The following TSHR variants were observed in gnomAD, a reference collection of about 807,000 sequenced individuals.
TSHR encodes the protein thyrotropin receptor.
A neutral mutation model predicts 64.1 loss-of-function variants in TSHR; 51 were observed. The ratio of observed to expected loss-of-function variants is 0.80; its 90% CI spans 0.64 to 1.01. The LOEUF (loss-of-function observed/expected upper bound fraction) is 1.01, where lower values mean the gene tolerates loss of function less well. TSHR is among the 50% of genes least tolerant of loss of function. The probability of loss-of-function intolerance (pLI) is 0.00; values close to 1 mark genes in which losing one functional copy is unlikely to be tolerated. For missense variants in TSHR, 877 were observed against 942.8 expected (o/e 0.93, Z 0.91); for synonymous variants, 361 against 361.9 (o/e 1.00, Z 0.03).
In TSHR at chr14:81,087,974, AC is replaced by A; in HGVS notation, c.339del (p.Leu114Ter). On this transcript the variant is annotated frameshift_variant, in exon 4 of 10. Transcript: ENST00000298171. LOFTEE classifies it high-confidence loss of function. ...TACAGAGAAATTCGGAATACCAGGA[AC>A]TTAACTTACATAGACCCTGATGCCC... The part of the protein sequence containing the change: ...VTHIEIRNTR[N>X]LTYIDPDALK... The A allele has an allele frequency of 6.2e-7, 1 of 1,613,840 alleles. No homozygotes were observed. Among genetic ancestry groups the A allele is most frequent in the Non-Finnish European group, 8.5e-7 (1 of 1,179,732 alleles).
intron 7 of TSHR, chr14:81,104,745 T>TAAC (rs1286771520): frequency 1.0e-6 from 1 of 985,288 alleles, no homozygotes; most frequent in African/African-American, 1.7e-5. Flanking sequence ...TGGTCTTCCC[T>TAAC]AACTGTGAAC....
chr14:81,048,175 C>CCA (rs1885261768), intron 1 of TSHR, among the ~76,000 whole-genome samples: 3 of 152,150 alleles, frequency 2.0e-5, no homozygotes, highest in African/African-American at 4.8e-5. Context: ...CCCAACTCAT[C>CCA]ACCCTACTTC....
chr14:81,138,115 A>G (rs1221977694), intron 8 of TSHR, among the ~76,000 whole-genome samples: 1 of 151,822 alleles, frequency 6.6e-6, no homozygotes, highest in African/African-American at 2.4e-5. Flanking sequence ...AAAGGTGTTT[A>G]TTTATGCCAG....
intron 1 of TSHR, among the ~76,000 whole-genome samples, chr14:81,039,247 T>C (rs1057268609): frequency 1.9e-4 from 29 of 151,902 alleles, no homozygotes; most frequent in African/African-American, 7.0e-4. Context: ...ATAAAATCAA[T>C]GACAAAACTG....
At chr14:81,071,688 G>A (rs1887081989) in intron 3 of TSHR, among the ~76,000 whole-genome samples, 1 of 152,128 alleles carries the variant, frequency 6.6e-6, no homozygotes, top group African/African-American at 2.4e-5. Flanking sequence ...TTAAGCCCAG[G>A]CATTCCAGGC....
chr14:81,004,342 CA>C, intron 1 of TSHR, among the ~76,000 whole-genome samples: 1 of 152,270 alleles, frequency 6.6e-6, no homozygotes, highest in South Asian at 2.1e-4. Flanking sequence ...ACTCAGTTAT[CA>C]AGACAATACT....
intron 8 of TSHR, among the ~76,000 whole-genome samples, chr14:81,123,576 A>C (rs1203784921): frequency 6.6e-6 from 1 of 152,210 alleles, no homozygotes. Context: ...AAAAATCGTA[A>C]ACTCCATCTA....
At chr14:81,108,724 C>T (rs1260928883) in intron 8 of TSHR, 3 of 1,613,088 alleles carry the variant, frequency 1.9e-6, no homozygotes, top group Middle Eastern at 1.7e-4. Context: ...CTCACAGAGG[C>T]TCTGTTCATG....
chr14:81,124,857 G>A (rs1238605079), intron 8 of TSHR, among the ~76,000 whole-genome samples: 1 of 151,906 alleles, frequency 6.6e-6, no homozygotes, highest in Non-Finnish European at 1.5e-5. Context: ...CAAATTTTTT[G>A]CCCATTTTCA....
intron 1 of TSHR, among the ~76,000 whole-genome samples, chr14:81,007,851 C>G (rs1566760231): frequency 6.6e-6 from 1 of 152,212 alleles, no homozygotes; most frequent in Non-Finnish European, 1.5e-5. Flanking sequence ...AGCAGGATCA[C>G]TTAGGTTCAA....
intron 1 of TSHR, among the ~76,000 whole-genome samples, chr14:80,984,850 G>A (rs1888355392): frequency 2.0e-5 from 3 of 152,106 alleles, no homozygotes; most frequent in African/African-American, 4.8e-5. Context: ...CATCAGCAAG[G>A]GGAACTTGTT....
At chr14:81,006,759 C>T (rs1189450552) in intron 1 of TSHR, among the ~76,000 whole-genome samples, 3 of 152,012 alleles carry the variant, frequency 2.0e-5, no homozygotes, top group African/African-American at 7.3e-5. Context: ...GTGATCTCCC[C>T]GCCTCGGTCT....
chr14:81,108,917 A>T, intron 8 of TSHR: 2 of 1,406,508 alleles, frequency 1.4e-6, no homozygotes, highest in South Asian at 3.1e-5. Context: ...GGAAAGATGG[A>T]ATAAAAACAT....
At chr14:81,062,422 C>A (rs1261823888) in intron 2 of TSHR, among the ~76,000 whole-genome samples, 1 of 152,020 alleles carries the variant, frequency 6.6e-6, no homozygotes, top group Non-Finnish European at 1.5e-5. Context: ...TTTTTTAAAA[C>A]CTAAATCAAA....
At chr14:81,051,844 A>G (rs762939476) in intron 1 of TSHR, 1 of 152,136 alleles carries the variant, frequency 6.6e-6, no homozygotes, top group Non-Finnish European at 1.5e-5. Context: ...TTCTTCTGAG[A>G]AGTGTCTATC....
At chr14:81,115,422 G>C (rs1468636070) in intron 8 of TSHR, among the ~76,000 whole-genome samples, 1 of 144,062 alleles carries the variant, frequency 6.9e-6, no homozygotes, top group Admixed American at 6.7e-5. Flanking sequence ...CTGGAAGAAA[G>C]GGTATCAGCG....
Position 80,978,126 on chromosome 14 carries a change from CACACAT to C in TSHR, c.170+22277_170+22282del, listed in dbSNP as rs1225051902. ...ACACACACACACACACACACACACA[CACACAT>C]GCATGTGCACTTTTCTAAAGCATGA... On this transcript the variant is annotated intron_variant, in intron 1 of 9. Transcript: ENST00000298171. Among the ~76,000 whole-genome samples the C allele has an allele frequency of 3.9e-4, 55 of 139,410 alleles. 1 individual carries two copies. The highest frequency in any genetic ancestry group is 1.1e-3 in the African/African-American group (42 of 39,044). The allele number at this position is 139,410 out of a possible 152,430, so 91.5% of individuals were successfully genotyped here.
intron 8 of TSHR, among the ~76,000 whole-genome samples, chr14:81,136,642 C>T (rs1891466068): frequency 6.6e-6 from 1 of 152,196 alleles, no homozygotes; most frequent in African/African-American, 2.4e-5. Context: ...TATTTGCCAA[C>T]TTCATTGCTT....
At chr14:81,031,265 A>G (rs1347021437) in intron 1 of TSHR, among the ~76,000 whole-genome samples, 1 of 152,158 alleles carries the variant, frequency 6.6e-6, no homozygotes, top group Non-Finnish European at 1.5e-5. Context: ...ATGAAATTAT[A>G]CTTTGTGATC....
Sources: gnomAD v4.1 joint callset for allele counts (sites outside exome capture counted in the v4.1 genomes callset) on GRCh38, gnomAD v4.1.1 for gene constraint, MANE v1.5 for transcripts, NCBI Gene and HGNC (gene_info 2026-07-23, HGNC 2026-07-21) for gene names.